Variants in MARCHF8 observed in about 807,000 individuals in gnomAD.
MARCHF8 encodes the protein membrane associated ring-CH-type finger 8.
In MARCHF8, 40 loss-of-function variants were observed where a neutral mutation model predicts 51.6. The observed-to-expected ratio is 0.77, with a 90% CI of 0.60 to 1.01. MARCHF8 has a LOEUF of 1.01. Ranked by LOEUF, MARCHF8 falls within the 50% of genes least tolerant of loss-of-function variation. The pLI, the probability that MARCHF8 is intolerant of heterozygous loss-of-function variation, is 0.00. For missense variants in MARCHF8, 685 were observed against 708.6 expected, an observed-to-expected ratio of 0.97 and a Z score of 0.38; for synonymous variants, 263 against 280.3, an observed-to-expected ratio of 0.94 and a Z score of 0.62.
chr10:45,558,623 A>T (rs575171044), intron 1 of MARCHF8, among the ~76,000 whole-genome samples: 7 of 152,332 alleles, frequency 4.6e-5, no homozygotes, highest in African/African-American at 1.7e-4. Context: ...CTTTGCACTG[A>T]CAACAGTGGC....
At chr10:45,476,635 T>C (rs1021277498) in intron 3 of MARCHF8, among the ~76,000 whole-genome samples, 4 of 151,788 alleles carry the variant, frequency 2.6e-5, no homozygotes, top group African/African-American at 9.7e-5. Flanking sequence ...AGGATATGAA[T>C]GAAACATTTT....
chr10:45,552,819 CA>C (rs1297721244), intron 1 of MARCHF8, among the ~76,000 whole-genome samples: 1 of 152,142 alleles, frequency 6.6e-6, no homozygotes, highest in African/African-American at 2.4e-5. Flanking sequence ...TGCACATTAT[CA>C]AAAACCTATT....
Position 45,458,609 on chromosome 10 carries a change from C to T in MARCHF8, c.1418-66G>A. ...TATGAAGTAAAGAAAAACACAACTT[C>T]TGAACTTCCCATAATCAACTGATTC... On this transcript the variant is annotated intron_variant, in intron 7 of 7. Transcript: ENST00000453424. 2.1e-6 allele frequency: 3 copies of T among 1,424,302 alleles called. No homozygotes were observed. In the South Asian group the frequency reaches 4.3e-5, roughly 20 times the overall value. 88.2% of individuals were successfully genotyped at this position (1,424,302 alleles called of 1,614,324 possible).
chr10:45,495,024 G>C (rs1443753277), intron 2 of MARCHF8, among the ~76,000 whole-genome samples: 4 of 152,040 alleles, frequency 2.6e-5, no homozygotes, highest in Admixed American at 6.5e-5. Flanking sequence ...GGAGGCTGAG[G>C]CAGGAGAACT....
intron 2 of MARCHF8, among the ~76,000 whole-genome samples, chr10:45,509,539 A>C (rs140060813): frequency 3.0e-4 from 45 of 152,356 alleles, no homozygotes; most frequent in Non-Finnish European, 5.7e-4. Context: ...TTACTAGGAC[A>C]TAAGTGGAAA....
chr10:45,522,743 G>A (rs1408750162), intron 2 of MARCHF8, among the ~76,000 whole-genome samples: 1 of 152,132 alleles, frequency 6.6e-6, no homozygotes, highest in Non-Finnish European at 1.5e-5. Context: ...TCTGAAATGT[G>A]GTAAATTGAG....
Position 45,533,190 on chromosome 10 carries a change from TC to T in MARCHF8, c.21del (p.Ile8SerfsTer36). On this transcript the variant is annotated frameshift_variant, in exon 2 of 8. Transcript: ENST00000453424. LOFTEE classifies it high-confidence loss of function. MSMPLHQISAIPSQDAI... is the reference protein window; with the variant it reads MSMPLHXISAIPSQDAI... ...GCATCCTGGGATGGAATGGCAGAGA[TC>T]TGATGCAGTGGCATGCTCATCCCAA... 1 of 1,611,804 alleles carries T rather than the reference TC, an allele frequency of 6.2e-7. No homozygotes were observed. Among genetic ancestry groups the T allele is most frequent in the Non-Finnish European group, 8.5e-7 (1 of 1,178,992 alleles).
rs1168524417 is a variant in MARCHF8 at position 45,535,283 on chromosome 10, T to A, written c.-151A>T. 2.0e-5 allele frequency: 3 copies of A among 152,226 alleles called. No homozygotes were observed. The highest frequency in any genetic ancestry group is 4.4e-5 in the Non-Finnish European group (3 of 68,052). The allele number at this position is 152,226 out of a possible 1,614,324, so 9.4% of individuals were successfully genotyped here. A position where few individuals can be genotyped will look rare whatever the true frequency, so the allele number is the denominator to read the frequency against. The stretch of plus-strand genomic sequence containing the variant: ...AGCAGTTTTTTCATCACTAATGCAC[T>A]AACGTCCTCTATTACAGATGACAAA... On this transcript the variant is annotated 5_prime_UTR_variant, in exon 1 of 8. The change abolishes the stop of an existing upstream ORF in the 5' untranslated region. Coordinates refer to ENST00000453424, the MANE Select transcript of MARCHF8 (RefSeq NM_001282866.2).
intron 1 of MARCHF8, among the ~76,000 whole-genome samples, chr10:45,555,333 A>G (rs1307290635): frequency 1.3e-5 from 2 of 151,780 alleles, no homozygotes; most frequent in Non-Finnish European, 2.9e-5. Flanking sequence ...GTAAGGAGAG[A>G]GGATCACTTG....
chr10:45,464,659 A>C (rs1420862974), intron 3 of MARCHF8, among the ~76,000 whole-genome samples: 1 of 152,232 alleles, frequency 6.6e-6, no homozygotes, highest in Non-Finnish European at 1.5e-5. Context: ...GGTATCATAC[A>C]AATGCCAAAG....
At chr10:45,578,726 G>A (rs2044517704) in intron 1 of MARCHF8, among the ~76,000 whole-genome samples, 1 of 151,436 alleles carries the variant, frequency 6.6e-6, no homozygotes, top group Non-Finnish European at 1.5e-5. Context: ...ACTGACATCA[G>A]GTTGCTCCTA....
chr10:45,487,950 G>A (rs2043012791), intron 3 of MARCHF8, among the ~76,000 whole-genome samples: 1 of 152,160 alleles, frequency 6.6e-6, no homozygotes, highest in Admixed American at 6.5e-5. Context: ...CAAAAACATG[G>A]GGAAAAGGTC....
chr10:45,569,490 AATTT>A, intron 1 of MARCHF8, among the ~76,000 whole-genome samples: 1 of 152,156 alleles, frequency 6.6e-6, no homozygotes, highest in Admixed American at 6.5e-5. Flanking sequence ...TGTATTGCTC[AATTT>A]AGTTTACTAG....
intron 1 of MARCHF8, among the ~76,000 whole-genome samples, chr10:45,547,162 T>C (rs1403973995): frequency 6.6e-6 from 1 of 151,778 alleles, no homozygotes; most frequent in Non-Finnish European, 1.5e-5. Flanking sequence ...GAAAATAAAA[T>C]CCAAAGCATA....
intron 1 of MARCHF8, among the ~76,000 whole-genome samples, chr10:45,553,586 T>G (rs1190271441): frequency 6.6e-6 from 1 of 152,224 alleles, no homozygotes; most frequent in Non-Finnish European, 1.5e-5. Flanking sequence ...GCAGCACTAT[T>G]TCTAACAGCA....
At chr10:45,590,276 A>C (rs1397526845) in intron 1 of MARCHF8, among the ~76,000 whole-genome samples, 2 of 152,200 alleles carry the variant, frequency 1.3e-5, no homozygotes, top group Non-Finnish European at 2.9e-5. Flanking sequence ...AGAACTGCCT[A>C]TTCAAATCCT....
chr10:45,469,166 A>C (rs1301386969), intron 3 of MARCHF8, among the ~76,000 whole-genome samples: 2 of 152,052 alleles, frequency 1.3e-5, no homozygotes, highest in African/African-American at 4.8e-5. Flanking sequence ...AAGTGAAACA[A>C]GCAGAGAGAG....
intron 5 of MARCHF8, among the ~76,000 whole-genome samples, chr10:45,462,735 C>G (rs1336747635): frequency 6.6e-6 from 1 of 151,966 alleles, no homozygotes; most frequent in Non-Finnish European, 1.5e-5. Flanking sequence ...AAGCAATTCT[C>G]CTGCCTCAGC....
At position 45,457,912 on chromosome 10, in the gene MARCHF8, C is replaced by T. The variant is rs1842654755; in HGVS notation, c.*327G>A. The T allele has an allele frequency of 3.5e-6, 1 of 286,356 alleles. No individual in the cohort carries two copies. The highest frequency in any genetic ancestry group is 8.7e-5 in the South Asian group (1 of 11,546). The allele number at this position is 286,356 out of a possible 1,614,324, so 17.7% of individuals were successfully genotyped here. On this transcript the variant is annotated 3_prime_UTR_variant, in exon 8 of 8. Coordinates refer to ENST00000453424, the MANE Select transcript of MARCHF8 (RefSeq NM_001282866.2). ...GCTGGGTATCAGGGCCTGGGCACCC[C>T]TGCTCCTCCTCTTCCCTTGGGATTG...
Sources: allele counts gnomAD v4.1 joint callset (sites outside exome capture counted in the v4.1 genomes callset), GRCh38; gene constraint gnomAD v4.1.1; transcripts MANE v1.5; gene names NCBI Gene and HGNC (gene_info 2026-07-23, HGNC 2026-07-21).